Variants in IGFN1 observed in about 807,000 individuals in gnomAD.
The protein encoded by IGFN1 is immunoglobulin-like and fibronectin type III domain-containing protein 1.
Under a neutral mutation model 289.5 loss-of-function variants are expected in IGFN1, and 253 were observed. The ratio of observed to expected loss-of-function variants is 0.87; its 90% CI spans 0.79 to 0.97. The LOEUF (loss-of-function observed/expected upper bound fraction) is 0.97, where lower values mean the gene tolerates loss of function less well. Ranked by LOEUF, IGFN1 falls within the 50% of genes least tolerant of loss-of-function variation. The probability of loss-of-function intolerance (pLI) is 0.00; values close to 1 mark genes in which losing one functional copy is unlikely to be tolerated. For missense variants in IGFN1, 4,470 were observed against 4,686.1 expected (o/e 0.95, Z 1.35); for synonymous variants, 1,706 against 1,788.5 (o/e 0.95, Z 1.16).
Position 201,206,714 on chromosome 1 carries a change from G to A in IGFN1, c.1821G>A (p.Lys607=). 6.5e-7 allele frequency: 1 copy of A among 1,536,892 alleles called. No individual in the cohort carries two copies. The highest frequency in any genetic ancestry group is 8.7e-7 in the Non-Finnish European group (1 of 1,146,912). Residue 607 remains lysine (K), a synonymous_variant, in exon 12 of 24, where the codon AAG becomes AAA. Coordinates refer to ENST00000335211, the MANE Select transcript of IGFN1 (RefSeq NM_001164586.2). ...CTCGACTGGGACCTGGGAGAGGAAA[G>A]AGCGACCTGCAGGGATGCCAGTCTG... ...WDARLGPGRG[K]SDLQGCQSDP... is the part of the protein sequence containing the mutation.
Position 201,211,190 on chromosome 1 carries a change from G to A in IGFN1, c.6297G>A (p.Glu2099=), listed in dbSNP as rs1478000213. The A allele has an allele frequency of 3.9e-6, 6 of 1,533,098 alleles. No homozygotes were observed. The highest frequency in any genetic ancestry group is 4.4e-6 in the Non-Finnish European group (5 of 1,145,104). The allele number at this position is 1,533,098 out of a possible 1,614,324, so 95.0% of individuals were successfully genotyped here. A position where few individuals can be genotyped will look rare whatever the true frequency, so the allele number is the denominator to read the frequency against. The change falls in exon 12 of 24, where the codon GAG becomes GAA. Residue 2099 remains glutamate, a synonymous_variant. Transcript: ENST00000335211. ...RDGLGGSEEM[E]SMDEAGYRKD... ...GTTTAGGGGGTTCTGAAGAAATGGA[G>A]TCAATGGATGAGGCAGGTTATAGGA... is the stretch of plus-strand genomic sequence containing the variant.
chr1:201,223,944 T>C (rs1339714688), intron 20 of IGFN1, among the ~76,000 whole-genome samples: 2 of 152,254 alleles, frequency 1.3e-5, no homozygotes, highest in African/African-American at 2.4e-5. Flanking sequence ...GGCAAAAATA[T>C]TTAATGCACA....
chr1:201,222,642 C>A, intron 19 of IGFN1, 97 bp from the exon 20 acceptor site: 3 of 743,354 alleles, frequency 4.0e-6, no homozygotes, highest in Non-Finnish European at 2.3e-6. Flanking sequence ...ATCCGACTGG[C>A]CCAGTCTTCC....
chr1:201,200,407 C>T lies in IGFN1; in HGVS notation c.629C>T (p.Ala210Val). Residue 210 changes from alanine (A) to valine (V), a missense_variant, in exon 8 of 24, where the codon GCA (alanine) becomes GTA (valine). Physicochemically the swap from Ala to Val is moderately conservative, Grantham distance 64. This residue lies in a region of IGFN1 where 2,011 missense variants were observed against 1,953.4 expected (regional missense o/e 1.03). Transcript: ENST00000335211. ...AAGAAGGAACAGGAGGACAAGATGG[C>T]ACAGGTGCCTCACCCCATTCCCACC... Reference protein sequence around the residue: ...EMKKEQEDKMAQYINTISSLR... With the variant: ...EMKKEQEDKMVQYINTISSLR... 6.4e-7 allele frequency: 1 copy of T among 1,551,226 alleles called. No homozygotes were observed.
At position 201,206,691 on chromosome 1, in the gene IGFN1, C is replaced by G; in HGVS notation, c.1798C>G (p.Arg600Gly). 6.5e-7 allele frequency: 1 copy of G among 1,536,772 alleles called. No homozygotes were observed. Among genetic ancestry groups the G allele is most frequent in the Admixed American group, 2.0e-5 (1 of 50,988 alleles). Reference sequence around the variant, plus strand: ...TGCCCCAGAGCAACTGTGGGATGCTCGACTGGGACCTGGGAGAGGAAAGAG... The same window carrying G: ...TGCCCCAGAGCAACTGTGGGATGCTGGACTGGGACCTGGGAGAGGAAAGAG... Reference protein sequence around the residue: ...RHAPEQLWDARLGPGRGKSDL... With the variant: ...RHAPEQLWDAGLGPGRGKSDL... Residue 600 changes from arginine (R) to glycine (G), a missense_variant, in exon 12 of 24, where the codon CGA becomes GGA. Arg to Gly is a moderately radical substitution (Grantham distance 125). This residue lies in a region of IGFN1 where 2,011 missense variants were observed against 1,953.4 expected (regional missense o/e 1.03). Coordinates refer to ENST00000335211, the MANE Select transcript of IGFN1 (RefSeq NM_001164586.2).
chr1:201,208,328 T>C lies in IGFN1; in HGVS notation c.3435T>C (p.Ser1145=). 1 of 1,502,218 alleles carries C rather than the reference T, an allele frequency of 6.7e-7. No homozygotes were observed. Among genetic ancestry groups the C allele is most frequent in the Non-Finnish European group, 8.8e-7 (1 of 1,134,548 alleles). 93.1% of individuals were successfully genotyped at this position (1,502,218 alleles called of 1,614,324 possible). ...AFGEGGYEDG[S]GGPGAMGPGS... ...GAGAAGGAGGCTATGAAGATGGCTC[T>C]GGGGGTCCAGGAGCCATGGGACCAG... Residue 1145 remains serine (S), a synonymous_variant, in exon 12 of 24, where the codon TCT becomes TCC. Coordinates refer to ENST00000335211, the MANE Select transcript of IGFN1 (RefSeq NM_001164586.2).
Position 201,221,591 on chromosome 1 carries a change from T to G in IGFN1, c.10046T>G (p.Leu3349Arg). The change falls in exon 19 of 24, where the codon CTC (leucine) becomes CGC (arginine). Residue 3349 changes from leucine (L) to arginine (R), a missense_variant. By Grantham distance (102) the Leu-to-Arg change is moderately radical (BLOSUM62 -2). Transcript: ENST00000335211. ...TGCAGCTCAGACAGTCTCCAGTGGC[T>G]CCCGTGCCATGTGGGCACCGTGCCA... ...ELCSSDSLQW[L>R]PCHVGTVPVT... 2.5e-6 allele frequency: 4 copies of G among 1,614,146 alleles called. No individual in the cohort carries two copies. The highest frequency in any genetic ancestry group is 3.4e-6 in the Non-Finnish European group (4 of 1,180,002).
chr1:201,218,854 G>T (rs553004314), intron 18 of IGFN1, among the ~76,000 whole-genome samples, 196 bp downstream of exon 18: 1 of 152,056 alleles, frequency 6.6e-6, no homozygotes, highest in African/African-American at 2.4e-5. Flanking sequence ...GCTCAAACAG[G>T]CCCAGAAGCC....
At chr1:201,192,261 C>G (rs1188531949) in intron 1 of IGFN1, among the ~76,000 whole-genome samples, 1 of 152,200 alleles carries the variant, frequency 6.6e-6, no homozygotes, top group Non-Finnish European at 1.5e-5. Context: ...GGAATTTGCT[C>G]TGTCATGTGT....
In IGFN1 at chr1:201,200,832, CT is replaced by C. The variant is rs71564140; in HGVS notation, c.633+438del. Among the ~76,000 whole-genome samples the C allele has an allele frequency of 5.9e-3, 500 of 84,276 alleles. 7 individuals are homozygous for C. In the East Asian group the frequency reaches 0.082, roughly 14 times the overall value. 55.3% of individuals were successfully genotyped at this position (84,276 alleles called of 152,430 possible). ...GGGGAGGTACCTGGTTTATTTCTTT[CT>C]TTTTTTTTTTTTTTTTAAGATGGAG... On this transcript the variant is annotated intron_variant, in intron 8 of 23. Transcript: ENST00000335211.
Position 201,225,876 on chromosome 1 carries a change from G to T in IGFN1, c.10539G>T (p.Thr3513=), listed in dbSNP as rs376314473. 6.2e-7 allele frequency: 1 copy of T among 1,613,058 alleles called. No homozygotes were observed. The highest frequency in any genetic ancestry group is 1.3e-5 in the African/African-American group (1 of 75,050). ...ACCTGCAGGAGAACGTGCCTGGGAC[G>T]GTGACGGCCGAGTGGGAACCCTCTC... ...PIHLQENVPG[T]VTAEWEPSPD... is the part of the protein sequence containing the mutation. Residue 3513 remains threonine, a synonymous_variant, in exon 22 of 24, where the codon ACG becomes ACT. Transcript: ENST00000335211.
intron 15 of IGFN1, 88 bp from the exon 16 acceptor site, chr1:201,216,366 G>A (rs934178695): frequency 2.7e-5 from 28 of 1,024,410 alleles, no homozygotes; most frequent in African/African-American, 1.7e-4. Flanking sequence ...GGGGGGAGTC[G>A]GGGTGGCGGG....
In IGFN1 at chr1:201,212,432, T is replaced by C. The variant is rs1444408181; in HGVS notation, c.7539T>C (p.Asp2513=). ...ACAGAGGGGCTCCCAGGGTGAAGGA[T>C]AGGTCTCCAGACCAAGCAGGGATAA... The part of the protein sequence containing the change: ...SRDRGAPRVK[D]RSPDQAGIMG... The change falls in exon 12 of 24, where the codon GAT becomes GAC. Residue 2513 remains aspartate, a synonymous_variant. Transcript: ENST00000335211. The C allele has an allele frequency of 3.9e-6, 6 of 1,537,108 alleles. No individual in the cohort carries two copies. The highest frequency in any genetic ancestry group is 2.0e-5 in the Admixed American group (1 of 50,976).
At position 201,207,442 on chromosome 1, in the gene IGFN1, C is replaced by T. The variant is rs1272858901; in HGVS notation, c.2549C>T (p.Thr850Ile). ...WDDTPSSLRK[T>I]GAHHGPGVLG... Reference sequence around the variant, plus strand: ...GACACACCATCTAGCCTCAGAAAAACTGGGGCCCACCATGGGCCTGGAGTG... The same window carrying T: ...GACACACCATCTAGCCTCAGAAAAATTGGGGCCCACCATGGGCCTGGAGTG... Residue 850 changes from threonine (T) to isoleucine (I), a missense_variant, in exon 12 of 24, where the codon ACT becomes ATT. By Grantham distance (89) the Thr-to-Ile change is moderately conservative (BLOSUM62 -1). Transcript: ENST00000335211. The T allele has an allele frequency of 3.9e-6, 6 of 1,528,310 alleles. No homozygotes were observed. In the South Asian group the frequency reaches 7.2e-5, roughly 18 times the overall value. 94.7% of individuals were successfully genotyped at this position (1,528,310 alleles called of 1,614,324 possible). A position where few individuals can be genotyped will look rare whatever the true frequency, so the allele number is the denominator to read the frequency against.
At chr1:201,215,891 G>A (rs1653222186) in intron 15 of IGFN1, 53 bp downstream of exon 15, 1 of 1,548,300 alleles carries the variant, frequency 6.5e-7, no homozygotes, top group Admixed American at 1.8e-5. Context: ...GGGGTTCTGG[G>A]CCCTCCCTGC....
chr1:201,217,496 C>G, intron 17 of IGFN1, 36 bp downstream of exon 17: 1 of 1,604,258 alleles, frequency 6.2e-7, no homozygotes, highest in Non-Finnish European at 8.5e-7. Flanking sequence ...CTTCCTTAGA[C>G]CCCTCCTGGC....
In IGFN1 at chr1:201,211,403, G is replaced by A. The variant is rs1332579877; in HGVS notation, c.6510G>A (p.Met2170Ile). ...ATGGTTTAGGGAGTTCTGGGGAAAT[G>A]GGGTCAATGGATGAGGCAGGTTATA... ...FRDGLGSSGE[M>I]GSMDEAGYRK... Residue 2170 changes from methionine to isoleucine, a missense_variant, in exon 12 of 24, where the codon ATG becomes ATA. Coordinates refer to ENST00000335211, the MANE Select transcript of IGFN1 (RefSeq NM_001164586.2). The A allele has an allele frequency of 1.3e-6, 2 of 1,491,424 alleles. No individual in the cohort carries two copies. The highest frequency in any genetic ancestry group is 2.1e-5 in the Admixed American group (1 of 48,538). The allele number at this position is 1,491,424 out of a possible 1,614,324, so 92.4% of individuals were successfully genotyped here.
At chr1:201,199,697 A>G (rs973397421) in intron 7 of IGFN1, 43 bp downstream of exon 7, 5 of 1,510,912 alleles carry the variant, frequency 3.3e-6, no homozygotes, top group Middle Eastern at 1.7e-4. Flanking sequence ...AGGCTCCCAT[A>G]GTATTCACCC....
Position 201,228,634 on chromosome 1 carries a change from A to G in IGFN1, c.*235A>G. The G allele has an allele frequency of 1.7e-6, 1 of 598,644 alleles. No individual in the cohort carries two copies. Among genetic ancestry groups the G allele is most frequent in the Non-Finnish European group, 3.0e-6 (1 of 335,120 alleles). 37.1% of individuals were successfully genotyped at this position (598,644 alleles called of 1,614,324 possible). A position where few individuals can be genotyped will look rare whatever the true frequency, so the allele number is the denominator to read the frequency against. The stretch of plus-strand genomic sequence containing the variant: ...AAGCTAAGTCACTCAACAGAATGAC[A>G]GCGAACCTCCTGGACCCTCACCATA... On this transcript the variant is annotated 3_prime_UTR_variant, in exon 24 of 24. Transcript: ENST00000335211.
Sources: allele counts gnomAD v4.1 joint callset (sites outside exome capture counted in the v4.1 genomes callset), GRCh38; gene constraint gnomAD v4.1.1; regional missense constraint gnomAD v4.1.1; transcripts MANE v1.5; gene names NCBI Gene and HGNC (gene_info 2026-07-23, HGNC 2026-07-21).